The following DPP9 variants were observed in gnomAD, a reference collection of about 807,000 sequenced individuals.
The protein encoded by DPP9 is dipeptidyl peptidase IV-related protein-2.
Under a neutral mutation model 110.7 loss-of-function variants are expected in DPP9, and 50 were observed. The ratio of observed to expected loss-of-function variants is 0.45; its 90% CI spans 0.36 to 0.57. DPP9 has a LOEUF of 0.57. Ranked by LOEUF, DPP9 falls within the 20% of genes least tolerant of loss-of-function variation. DPP9 has a pLI of 0.00. For missense variants in DPP9, 1,022 were observed against 1,217.9 expected (o/e 0.84, Z 2.39); for synonymous variants, 561 against 514.4 (o/e 1.09, Z -1.23).
chr19:4,706,809 T>C (rs1229617773), intron 4 of DPP9, among the ~76,000 whole-genome samples: 1 of 152,006 alleles, frequency 6.6e-6, no homozygotes, highest in East Asian at 1.9e-4. Flanking sequence ...GAGCAAGATT[T>C]TGTCTCAAAA....
intron 20 of DPP9, among the ~76,000 whole-genome samples, chr19:4,680,729 G>A (rs1183150126): frequency 6.6e-6 from 1 of 151,816 alleles, no homozygotes; most frequent in Non-Finnish European, 1.5e-5. Flanking sequence ...GGCCAAGGCA[G>A]GTGGATCACT....
intron 14 of DPP9, among the ~76,000 whole-genome samples, chr19:4,690,111 C>T (rs936767122): frequency 6.6e-6 from 1 of 152,232 alleles, no homozygotes; most frequent in African/African-American, 2.4e-5. Context: ...GTTCCTCCGA[C>T]CCAGGTGCTT....
intron 4 of DPP9, 135 bp from the exon 5 acceptor site, chr19:4,706,105 C>A: frequency 2.9e-6 from 2 of 685,528 alleles, no homozygotes; most frequent in Non-Finnish European, 4.8e-6. Flanking sequence ...GACAGCCCTC[C>A]CCGGAAAGCT....
Position 4,685,395 on chromosome 19 carries a change from A to G in DPP9, c.2031+231T>C. 4 of 661,154 alleles carry G rather than the reference A, an allele frequency of 6.1e-6. No homozygotes were observed. The highest frequency in any genetic ancestry group is 1.8e-5 in the African/African-American group (1 of 56,358). 41.0% of individuals were successfully genotyped at this position (661,154 alleles called of 1,614,324 possible). The stretch of plus-strand genomic sequence containing the variant: ...AGGGAGAGTCAGCAGGCGGAGGGGG[A>G]AGGGGAGGCCATCCAGGAAGGGCGG... On this transcript the variant is annotated intron_variant, in intron 17 of 21. Coordinates refer to ENST00000262960, the MANE Select transcript of DPP9 (RefSeq NM_139159.5). This position sits in a 1 kb window ranked among gnomAD's most constrained non-coding sequence, Gnocchi z 5.8.
chr19:4,695,381 G>A lies in DPP9; in HGVS notation c.1350C>T (p.Ile450=). The A allele has an allele frequency of 6.4e-7, 1 of 1,571,284 alleles. No individual in the cohort carries two copies. Among genetic ancestry groups the A allele is most frequent in the Non-Finnish European group, 8.6e-7 (1 of 1,158,186 alleles). The change falls in exon 12 of 22, where the codon ATC becomes ATT. Residue 450 remains isoleucine (I), a synonymous_variant. Coordinates refer to ENST00000262960, the MANE Select transcript of DPP9 (RefSeq NM_139159.5). The surrounding 1 kb of genome is among the most constrained non-coding windows in gnomAD (Gnocchi z 4.7). ...AGCCAGCGCTTGCCCCGCTTACATT[G>A]ATCCAGACGTTGGTGACCTCCTCGT... ...VVYEEVTNVW[I]NVHDIFYPFP...
rs763218451 is a variant in DPP9, at chr19:4,695,786, G to A, written c.1176-231C>T. On this transcript the variant is annotated intron_variant, in intron 11 of 21. Coordinates refer to ENST00000262960, the MANE Select transcript of DPP9 (RefSeq NM_139159.5). The surrounding 1 kb of genome is among the most constrained non-coding windows in gnomAD (Gnocchi z 4.7). ...CAAGATTTCATGATCCAAGTGTTCC[G>A]GAAACAATGGCCTAAGTCTCACAGC... Among the ~76,000 whole-genome samples the A allele has an allele frequency of 6.6e-6, 1 of 152,118 alleles. No homozygotes were observed. The highest frequency in any genetic ancestry group is 1.5e-5 in the Non-Finnish European group (1 of 68,032).
At position 4,695,600 on chromosome 19, in the gene DPP9, C is replaced by G. The variant is rs1257257058; in HGVS notation, c.1176-45G>C. ...GGAAGATGAGAGGGAAGCTGGGAGC[C>G]TCAGTGGCCTGCACAGAGAAGCTGG... On this transcript the variant is annotated intron_variant, in intron 11 of 21. Transcript: ENST00000262960. The surrounding 1 kb of genome is among the most constrained non-coding windows in gnomAD (Gnocchi z 4.7). The G allele has an allele frequency of 1.4e-6, 2 of 1,421,096 alleles. No individual in the cohort carries two copies. Among genetic ancestry groups the G allele is most frequent in the Non-Finnish European group, 1.9e-6 (2 of 1,078,196 alleles). 88.0% of individuals were successfully genotyped at this position (1,421,096 alleles called of 1,614,324 possible).
intron 11 of DPP9, among the ~76,000 whole-genome samples, chr19:4,696,987 T>C (rs775482461): frequency 3.9e-5 from 6 of 151,954 alleles, no homozygotes; most frequent in Non-Finnish European, 7.4e-5. Context: ...TAGTCCCCTC[T>C]ACTCAGGAGG....
Position 4,694,477 on chromosome 19 carries a change from G to A in DPP9, c.1516+184C>T, listed in dbSNP as rs2091613416. 2.7e-6 allele frequency: 2 copies of A among 734,588 alleles called. No homozygotes were observed. Among genetic ancestry groups the A allele is most frequent in the Non-Finnish European group, 4.4e-6 (2 of 459,230 alleles). 45.5% of individuals were successfully genotyped at this position (734,588 alleles called of 1,614,324 possible). On this transcript the variant is annotated intron_variant, in intron 13 of 21. Coordinates refer to ENST00000262960, the MANE Select transcript of DPP9 (RefSeq NM_139159.5). This position sits in a 1 kb window ranked among gnomAD's most constrained non-coding sequence, Gnocchi z 4.0. Reference sequence around the variant, plus strand: ...AATCTGCTGCCTGAATAAGCCAACAGTTGGGTGCTCTAAGCCCTGCCAGAT... The same window carrying A: ...AATCTGCTGCCTGAATAAGCCAACAATTGGGTGCTCTAAGCCCTGCCAGAT...
Position 4,704,357 on chromosome 19 carries a change from C to A in DPP9, c.427-53G>T. 6.4e-7 allele frequency: 1 copy of A among 1,572,674 alleles called. No individual in the cohort carries two copies. Among genetic ancestry groups the A allele is most frequent in the South Asian group, 1.1e-5 (1 of 89,724 alleles). On this transcript the variant is annotated intron_variant, in intron 5 of 21. Coordinates refer to ENST00000262960, the MANE Select transcript of DPP9 (RefSeq NM_139159.5). This position sits in a 1 kb window ranked among gnomAD's most constrained non-coding sequence, Gnocchi z 6.0. ...GCGTCAGTGGGCAAAGAGGATCTCC[C>A]GCTGGCCAGGGCAGAGATCCTCGGG...
chr19:4,706,836 G>A (rs1568325958), intron 4 of DPP9, among the ~76,000 whole-genome samples: 2 of 152,148 alleles, frequency 1.3e-5, no homozygotes, highest in Non-Finnish European at 1.5e-5. Flanking sequence ...ATGGGGAAGC[G>A]TGCACCTGGT....
rs777692964 is a variant in DPP9 at position 4,702,162 on chromosome 19, T to C, written c.884-7A>G. 1 of 1,605,762 alleles carries C rather than the reference T, an allele frequency of 6.2e-7. No homozygotes were observed. Among genetic ancestry groups the C allele is most frequent in the South Asian group, 1.1e-5 (1 of 90,322 alleles). On this transcript the variant is annotated splice_region_variant and splice_polypyrimidine_tract_variant and intron_variant, in intron 8 of 21. Coordinates refer to ENST00000262960, the MANE Select transcript of DPP9 (RefSeq NM_139159.5). Reference sequence around the variant, plus strand: ...GTCTTGAGGCCCTCTGAACCTTGGGTGGGGTGGTGGAAAAACTGCTGAGGG... The same window carrying C: ...GTCTTGAGGCCCTCTGAACCTTGGGCGGGGTGGTGGAAAAACTGCTGAGGG...
chr19:4,719,544 T>C, intron 3 of DPP9: 1 of 445,068 alleles, frequency 2.2e-6, no homozygotes, highest in South Asian at 2.5e-5. Flanking sequence ...ACATCTGTGG[T>C]TGTCTCAACT....
chr19:4,681,941 C>T (rs563183453), intron 20 of DPP9, among the ~76,000 whole-genome samples: 10 of 149,596 alleles, frequency 6.7e-5, no homozygotes, highest in Non-Finnish European at 1.5e-4. Context: ...CTCCGCCTCC[C>T]GGGTTCACGC....
intron 13 of DPP9, among the ~76,000 whole-genome samples, chr19:4,692,648 A>C (rs2091429443): frequency 6.6e-6 from 1 of 152,050 alleles, no homozygotes; most frequent in Non-Finnish European, 1.5e-5. Context: ...AGCAGCCTGG[A>C]GGGTCTGTGC....
intron 16 of DPP9, among the ~76,000 whole-genome samples, chr19:4,686,197 T>C (rs1265614908): frequency 1.3e-5 from 2 of 152,122 alleles, no homozygotes; most frequent in African/African-American, 2.4e-5. Context: ...CAAGCGATTA[T>C]CCTGCCTCAG....
intron 10 of DPP9, among the ~76,000 whole-genome samples, chr19:4,699,352 C>G (rs2092065847): frequency 6.6e-6 from 1 of 152,010 alleles, no homozygotes; most frequent in African/African-American, 2.4e-5. Context: ...TCTGCCCCAG[C>G]CTCTTTGGCC....
intron 20 of DPP9, among the ~76,000 whole-genome samples, chr19:4,680,512 G>A (rs1291266705): frequency 1.3e-5 from 2 of 151,850 alleles, no homozygotes; most frequent in Admixed American, 6.6e-5. Flanking sequence ...AGTTGTTTGA[G>A]ACCAGCCTGG....
chr19:4,708,246 C>T (rs1183527102), intron 4 of DPP9, among the ~76,000 whole-genome samples: 1 of 152,210 alleles, frequency 6.6e-6, no homozygotes, highest in African/African-American at 2.4e-5. Context: ...CCCTGACCCC[C>T]TTGCCGAGGA....
Sources: gnomAD v4.1 joint callset for allele counts (sites outside exome capture counted in the v4.1 genomes callset) on GRCh38, gnomAD v4.1.1 for gene constraint, Gnocchi (gnomAD v3.1) non-coding constraint, MANE v1.5 for transcripts, NCBI Gene and HGNC (gene_info 2026-07-23, HGNC 2026-07-21) for gene names.